Variants in NRG3 observed in about 807,000 individuals in gnomAD.
The protein encoded by NRG3 is pro-neuregulin-3, membrane-bound isoform.
In NRG3, 31 loss-of-function variants were observed where a neutral mutation model predicts 66.9. The ratio of observed to expected loss-of-function variants is 0.46; its 90% CI spans 0.35 to 0.63. The LOEUF is 0.63. Ranked by LOEUF, NRG3 falls within the 20% of genes least tolerant of loss-of-function variation. NRG3 has a pLI of 0.00. For missense variants in NRG3, 910 were observed against 878.9 expected, an observed-to-expected ratio of 1.04 and a Z score of -0.45; for synonymous variants, 393 against 359.4, an observed-to-expected ratio of 1.09 and a Z score of -1.06.
At chr10:82,695,409 G>A (rs751013630) in intron 2 of NRG3, among the ~76,000 whole-genome samples, 1 of 152,002 alleles carries the variant, frequency 6.6e-6, no homozygotes, top group Non-Finnish European at 1.5e-5. Flanking sequence ...CAATAGTCAC[G>A]GAATCGTTAA....
chr10:82,201,218 G>C (rs1375667428), intron 1 of NRG3, among the ~76,000 whole-genome samples: 1 of 126,232 alleles, frequency 7.9e-6, no homozygotes, highest in Non-Finnish European at 1.7e-5. Context: ...AAAAAAAAAA[G>C]ACAGCTGTGG....
chr10:82,863,512 C>G (rs1175831433), intron 3 of NRG3, among the ~76,000 whole-genome samples: 3 of 152,208 alleles, frequency 2.0e-5, no homozygotes, highest in African/African-American at 7.2e-5. Context: ...CACGTCCTCT[C>G]CAGCATCTGT....
At chr10:82,885,591 C>T (rs1457125814) in intron 4 of NRG3, among the ~76,000 whole-genome samples, 1 of 152,122 alleles carries the variant, frequency 6.6e-6, no homozygotes. Context: ...TGTCCTATGT[C>T]AATACAGATC....
intron 1 of NRG3, among the ~76,000 whole-genome samples, chr10:82,328,104 A>G (rs1035443840): frequency 6.6e-6 from 1 of 152,174 alleles, no homozygotes; most frequent in African/African-American, 2.4e-5. Context: ...ATTTCATAAC[A>G]TAGTATGAGG....
chr10:82,544,674 T>C (rs2043770599), intron 2 of NRG3, among the ~76,000 whole-genome samples: 1 of 152,184 alleles, frequency 6.6e-6, no homozygotes, highest in Non-Finnish European at 1.5e-5. Context: ...ATTGCCTTCC[T>C]AGATGAGTTG....
chr10:82,648,917 G>A (rs1324856291), intron 2 of NRG3, among the ~76,000 whole-genome samples: 1 of 152,238 alleles, frequency 6.6e-6, no homozygotes, highest in Non-Finnish European at 1.5e-5. Flanking sequence ...CTGAGACAAT[G>A]CAACAACCCT....
intron 2 of NRG3, among the ~76,000 whole-genome samples, chr10:82,555,427 G>T (rs1048142212): frequency 6.6e-6 from 1 of 152,066 alleles, no homozygotes; most frequent in Non-Finnish European, 1.5e-5. Flanking sequence ...TACCACAATT[G>T]TGTAAAAAAC....
At chr10:81,917,556 C>A (rs1297347698) in intron 1 of NRG3, among the ~76,000 whole-genome samples, 3 of 152,010 alleles carry the variant, frequency 2.0e-5, no homozygotes, top group African/African-American at 7.3e-5. Context: ...AGGTAAAAAC[C>A]CTTTGCAAAA....
intron 2 of NRG3, among the ~76,000 whole-genome samples, chr10:82,366,083 T>C (rs1236039257): frequency 6.6e-6 from 1 of 152,166 alleles, no homozygotes; most frequent in African/African-American, 2.4e-5. Context: ...GAGTTCAAAG[T>C]CCTACTCAGC....
chr10:82,255,415 G>A (rs912147884), intron 1 of NRG3, among the ~76,000 whole-genome samples: 1 of 152,268 alleles, frequency 6.6e-6, no homozygotes, highest in African/African-American at 2.4e-5. Context: ...GTGGACTTTA[G>A]TTGATAACTT....
chr10:82,582,213 G>A (rs2046394300), intron 2 of NRG3, among the ~76,000 whole-genome samples: 1 of 152,040 alleles, frequency 6.6e-6, no homozygotes, highest in African/African-American at 2.4e-5. Flanking sequence ...GAGTATATGA[G>A]AGTATTTGAG....
chr10:82,586,251 AAAAC>A (rs1003197840), intron 2 of NRG3, among the ~76,000 whole-genome samples: 1 of 151,946 alleles, frequency 6.6e-6, no homozygotes, highest in African/African-American at 2.4e-5. Flanking sequence ...AAAAAAAAAA[AAAAC>A]AAGAAAACGA....
At chr10:82,531,405 T>G (rs1024378574) in intron 2 of NRG3, among the ~76,000 whole-genome samples, 11 of 151,798 alleles carry the variant, frequency 7.2e-5, no homozygotes, top group African/African-American at 2.2e-4. Flanking sequence ...ACAAAACATT[T>G]TTTGTTATTT....
intron 2 of NRG3, among the ~76,000 whole-genome samples, chr10:82,637,495 G>T (rs907029233): frequency 6.6e-6 from 1 of 152,120 alleles, no homozygotes; most frequent in African/African-American, 2.4e-5. Context: ...CCAGTAATCA[G>T]TATGAACATC....
chr10:82,092,010 A>G (rs2066055228), intron 1 of NRG3, among the ~76,000 whole-genome samples: 1 of 152,168 alleles, frequency 6.6e-6, no homozygotes, highest in African/African-American at 2.4e-5. Context: ...AATTAGGATG[A>G]TTGGACAATT....
At chr10:81,912,546 A>G (rs1467827192) in intron 1 of NRG3, among the ~76,000 whole-genome samples, 1 of 152,196 alleles carries the variant, frequency 6.6e-6, no homozygotes, top group Non-Finnish European at 1.5e-5. Context: ...TTTTGTATCG[A>G]TTATTCTAAA....
chr10:82,965,668 C>A (rs910827743), intron 6 of NRG3, among the ~76,000 whole-genome samples: 4 of 151,618 alleles, frequency 2.6e-5, no homozygotes, highest in African/African-American at 7.3e-5. Flanking sequence ...CCTAGGAGGC[C>A]GAGGTTGCAG....
intron 1 of NRG3, among the ~76,000 whole-genome samples, chr10:81,981,776 G>A (rs1174505650): frequency 6.6e-6 from 1 of 152,120 alleles, no homozygotes; most frequent in Non-Finnish European, 1.5e-5. Flanking sequence ...TTGATTAAAT[G>A]GATATTGAAT....
Position 82,418,323 on chromosome 10 carries a change from A to C in NRG3, c.953+59455A>C, listed in dbSNP as rs1260914665. ...ATCACCCACAAGGTAGATATTTGAG[A>C]AACTCAGTGTAAATGTGGAAAAGTT... On this transcript the variant is annotated intron_variant, in intron 2 of 8. Coordinates refer to ENST00000372141, the MANE Select transcript of NRG3 (RefSeq NM_001010848.4). Among the ~76,000 whole-genome samples the C allele has an allele frequency of 2.6e-5, 4 of 151,826 alleles. No individual in the cohort carries two copies. The South Asian group carries it at 6.2e-4, about 24-fold the overall frequency.
Sources: gnomAD v4.1 joint callset for allele counts (sites outside exome capture counted in the v4.1 genomes callset) on GRCh38, gnomAD v4.1.1 for gene constraint, MANE v1.5 for transcripts, NCBI Gene and HGNC (gene_info 2026-07-23, HGNC 2026-07-21) for gene names.